TRPC5: variants seen among roughly 807,000 people sequenced by gnomAD.
TRPC5 encodes short transient receptor potential channel 5.
TRPC5 carries 9 observed loss-of-function variants against 56.5 expected under a neutral mutation model. That is an observed-to-expected ratio of 0.16 (90% CI 0.10 to 0.28). The LOEUF is 0.28. TRPC5 is among the 10% of genes least tolerant of loss of function. TRPC5 has a pLI of 1.00. For synonymous variants in TRPC5, 282 were observed against 278.5 expected, an observed-to-expected ratio of 1.01 and a Z score of -0.13; for missense variants, 469 against 748.9, an observed-to-expected ratio of 0.63 and a Z score of 4.36.
intron 1 of TRPC5, among the ~76,000 whole-genome samples, chrX:112,045,182 GGA>G (rs1929987947): frequency 9.0e-6 from 1 of 111,574 alleles, no homozygotes; most frequent in Non-Finnish European, 1.9e-5. Flanking sequence ...TTAAAAACAG[GGA>G]GATTATCCTG....
rs1945869305 is a variant in TRPC5, at chrX:111,775,407, C to CT, written c.*905dup. On this transcript the variant is annotated 3_prime_UTR_variant, in exon 11 of 11. Coordinates refer to ENST00000262839, the MANE Select transcript of TRPC5 (RefSeq NM_012471.3). ...TATTTGATAGCAATGATAATTAAAA[C>CT]TATCAACAGTAGAATAGGACCCAAC... 8.9e-6 allele frequency: 1 copy of CT among 112,035 alleles called. No homozygotes were observed. Among genetic ancestry groups the CT allele is most frequent in the African/African-American group, 3.2e-5 (1 of 30,814 alleles). 9.2% of individuals were successfully genotyped at this position (112,035 alleles called of 1,213,427 possible). A position where few individuals can be genotyped will look rare whatever the true frequency, so the allele number is the denominator to read the frequency against.
chrX:111,830,561 A>T (rs1367771731), intron 7 of TRPC5, among the ~76,000 whole-genome samples: 1 of 111,208 alleles, frequency 9.0e-6, no homozygotes, highest in Non-Finnish European at 1.9e-5. Flanking sequence ...GGGTGATTAG[A>T]TCATGGGGGC....
At position 111,772,767 on chromosome X, in the gene TRPC5, G is replaced by A. The variant is rs947364426; in HGVS notation, c.*3546C>T. On this transcript the variant is annotated 3_prime_UTR_variant, in exon 11 of 11. Coordinates refer to ENST00000262839, the MANE Select transcript of TRPC5 (RefSeq NM_012471.3). ...TAAGGTACTTTTAAACAAAGGATTT[G>A]CTGCCTATCTTCAAGTACTTTTTAC... Among the ~76,000 whole-genome samples, 13 of 111,336 alleles carry A rather than the reference G, an allele frequency of 1.2e-4. No individual in the cohort carries two copies. The highest frequency in any genetic ancestry group is 4.2e-4 in the African/African-American group (13 of 30,627).
chrX:112,017,066 T>G (rs1929146424), intron 1 of TRPC5, among the ~76,000 whole-genome samples: 1 of 111,967 alleles, frequency 8.9e-6, no homozygotes, highest in African/African-American at 3.2e-5. Flanking sequence ...CAGGCTGCAG[T>G]GCAGTGGTGC....
intron 7 of TRPC5, among the ~76,000 whole-genome samples, chrX:111,832,823 GGGA>G (rs773897266): frequency 2.3e-4 from 26 of 111,134 alleles, no homozygotes; most frequent in Admixed American, 4.8e-4. Context: ...AGGTGGTGAT[GGGA>G]GCTGGAGTTG....
At chrX:111,861,590 A>T (rs1352306667) in intron 3 of TRPC5, among the ~76,000 whole-genome samples, 3 of 112,011 alleles carry the variant, frequency 2.7e-5, no homozygotes, top group Non-Finnish European at 3.8e-5. Flanking sequence ...TTTTAACTTT[A>T]ATGTAAAACC....
rs186776152 is a variant in TRPC5, at chrX:111,962,613, G to C, written c.-21-10172C>G. Among the ~76,000 whole-genome samples, 682 of 112,216 alleles carry C rather than the reference G, an allele frequency of 6.1e-3. 1 individual carries two copies. The highest frequency in any genetic ancestry group is 7.6e-3 in the Non-Finnish European group (405 of 53,282). On this transcript the variant is annotated intron_variant, in intron 1 of 10. Transcript: ENST00000262839. ...AGATGGAATATATTCCTGTTGAAGA[G>C]GCTGTGAAACATTGTTGAAATGACA... is the stretch of plus-strand genomic sequence containing the variant.
At chrX:111,818,699 G>A (rs1249020903) in intron 7 of TRPC5, among the ~76,000 whole-genome samples, 1 of 106,435 alleles carries the variant, frequency 9.4e-6, no homozygotes, top group Non-Finnish European at 1.9e-5. Flanking sequence ...CGCCTCCCAG[G>A]TTCTAGCGAT....
At position 111,961,552 on chromosome X, in the gene TRPC5, C is replaced by T. The variant is rs770280959; in HGVS notation, c.-21-9111G>A. ...TAAAATGGCTACATAATGTTTCATT[C>T]GGTCATGTCAGGTATACTACAATGT... On this transcript the variant is annotated intron_variant, in intron 1 of 10. Transcript: ENST00000262839. Among the ~76,000 whole-genome samples the T allele has an allele frequency of 7.1e-5, 8 of 112,062 alleles. No individual in the cohort carries two copies. The South Asian group carries it at 1.8e-3, about 26-fold the overall frequency.
At chrX:112,026,917 AAAG>A (rs1387987144) in intron 1 of TRPC5, among the ~76,000 whole-genome samples, 15 of 107,812 alleles carry the variant, frequency 1.4e-4, no homozygotes, top group Admixed American at 5.9e-4. Flanking sequence ...GAAAAAAAAA[AAAG>A]AAGAAGAAAA....
chrX:111,857,851 T>A (rs1282991946), intron 3 of TRPC5, among the ~76,000 whole-genome samples: 1 of 112,689 alleles, frequency 8.9e-6, no homozygotes, highest in African/African-American at 3.2e-5. Flanking sequence ...GATGACCTCA[T>A]GTGACTTCCC....
intron 1 of TRPC5, among the ~76,000 whole-genome samples, chrX:112,035,089 TAAAA>T (rs1169340398): frequency 0.038 from 3,806 of 99,104 alleles, 132 homozygotes; most frequent in African/African-American, 0.1. Context: ...TTTTTTTTTT[TAAAA>T]AAAAAAAAAT....
At chrX:111,986,415 A>G (rs933341347) in intron 1 of TRPC5, among the ~76,000 whole-genome samples, 6 of 110,383 alleles carry the variant, frequency 5.4e-5, no homozygotes, top group Non-Finnish European at 1.1e-4. Context: ...CTTCTGGAGT[A>G]TAGTATACCT....
At chrX:111,905,697 G>A (rs891153726) in intron 3 of TRPC5, among the ~76,000 whole-genome samples, 2 of 108,372 alleles carry the variant, frequency 1.8e-5, no homozygotes, top group African/African-American at 6.8e-5. Context: ...AGTGGATCAC[G>A]AGGTCAGGAG....
chrX:111,975,679 G>A (rs1927904379), intron 1 of TRPC5, among the ~76,000 whole-genome samples: 1 of 111,395 alleles, frequency 9.0e-6, no homozygotes, highest in Admixed American at 9.5e-5. Context: ...GGCGGATCAC[G>A]AGGTCAGGAG....
intron 1 of TRPC5, among the ~76,000 whole-genome samples, chrX:111,964,427 C>T (rs1279453124): frequency 8.9e-6 from 1 of 111,874 alleles, no homozygotes; most frequent in Admixed American, 9.5e-5. Flanking sequence ...AGAGTTTCCC[C>T]AATCTAGCAA....
At chrX:111,860,057 C>T (rs1261614978) in intron 3 of TRPC5, among the ~76,000 whole-genome samples, 4 of 112,231 alleles carry the variant, frequency 3.6e-5, no homozygotes, top group East Asian at 5.6e-4. Flanking sequence ...TACAGGCGCC[C>T]GCCACCACGA....
chrX:112,068,283 C>G (rs1287541991), intron 1 of TRPC5, among the ~76,000 whole-genome samples: 1 of 112,423 alleles, frequency 8.9e-6, no homozygotes, highest in Non-Finnish European at 1.9e-5. Flanking sequence ...CTCCCTCTTT[C>G]CTGCTTCCAG....
At chrX:111,937,323 T>G (rs1379300857) in intron 2 of TRPC5, among the ~76,000 whole-genome samples, 3 of 102,756 alleles carry the variant, frequency 2.9e-5, no homozygotes, top group African/African-American at 1.1e-4. Context: ...TAGTTTCTTT[T>G]GCTGTGCAGA....
Sources: allele counts gnomAD v4.1 joint callset (sites outside exome capture counted in the v4.1 genomes callset), GRCh38; gene constraint gnomAD v4.1.1; transcripts MANE v1.5; gene names NCBI Gene and HGNC (gene_info 2026-07-23, HGNC 2026-07-21).